MLIP: variants seen among roughly 807,000 people sequenced by gnomAD.
MLIP encodes muscular LMNA-interacting protein.
A neutral mutation model predicts 84.8 loss-of-function variants in MLIP; 79 were observed. The ratio of observed to expected loss-of-function variants is 0.93; its 90% CI spans 0.78 to 1.12. The LOEUF is 1.12. Ranked by LOEUF, MLIP falls within the 50% of genes most tolerant of loss-of-function variation. The pLI, the probability that MLIP is intolerant of heterozygous loss-of-function variation, is 0.00. For synonymous variants in MLIP, 504 were observed against 463.0 expected (o/e 1.09, Z -1.14); for missense variants, 1,257 against 1,160.6 (o/e 1.08, Z -1.21).
intron 1 of MLIP, among the ~76,000 whole-genome samples, chr6:54,081,181 G>A (rs531538188): frequency 4.6e-5 from 7 of 152,084 alleles, no homozygotes; most frequent in Non-Finnish European, 1.5e-5. Flanking sequence ...AGTCTCTCTG[G>A]GAACTTCCTC....
At chr6:54,178,300 T>C (rs1582405902) in intron 9 of MLIP, among the ~76,000 whole-genome samples, 1 of 39,614 alleles carries the variant, frequency 2.5e-5, no homozygotes, top group East Asian at 5.3e-4. Context: ...TCGTGTTTCT[T>C]CCCTTTTTTT....
intron 1 of MLIP, chr6:54,029,485 A>C (rs972255626): frequency 4.6e-5 from 7 of 152,352 alleles, no homozygotes; most frequent in African/African-American, 1.7e-4. Context: ...ATGAGCCTTT[A>C]CCAGACACAG....
At chr6:54,033,348 C>T (rs904280059) in intron 1 of MLIP, among the ~76,000 whole-genome samples, 6 of 151,356 alleles carry the variant, frequency 4.0e-5, no homozygotes, top group African/African-American at 1.5e-4. Flanking sequence ...CTCACTGCAA[C>T]CTCCGCCTCC....
chr6:54,118,119 C>T (rs750697900), intron 1 of MLIP, among the ~76,000 whole-genome samples: 9 of 152,274 alleles, frequency 5.9e-5, no homozygotes, highest in East Asian at 1.9e-4. Flanking sequence ...ACAGATTCAA[C>T]GCAACTCCTA....
chr6:54,230,045 C>T (rs1389772575), intron 11 of MLIP, among the ~76,000 whole-genome samples: 1 of 152,154 alleles, frequency 6.6e-6, no homozygotes, highest in Admixed American at 6.5e-5. Context: ...ATGTTGAAGA[C>T]CCACTTTAGT....
At chr6:54,221,113 T>C (rs185517500) in intron 11 of MLIP, among the ~76,000 whole-genome samples, 17 of 152,278 alleles carry the variant, frequency 1.1e-4, no homozygotes, top group Admixed American at 9.1e-4. Flanking sequence ...GTTCCTGATA[T>C]AATGCTCTAT....
chr6:54,173,745 A>G (rs1219922506), intron 9 of MLIP, among the ~76,000 whole-genome samples: 2 of 151,850 alleles, frequency 1.3e-5, no homozygotes, highest in Non-Finnish European at 2.9e-5. Context: ...ATACTCTTTT[A>G]GTTATTTTAA....
intron 9 of MLIP, among the ~76,000 whole-genome samples, chr6:54,178,027 A>G (rs1776477014): frequency 1.3e-5 from 2 of 152,082 alleles, no homozygotes; most frequent in African/African-American, 4.8e-5. Flanking sequence ...GGTGGAGGGG[A>G]ACAACACACA....
chr6:54,113,100 A>G (rs1002597946), intron 1 of MLIP, among the ~76,000 whole-genome samples: 2 of 152,164 alleles, frequency 1.3e-5, no homozygotes, highest in Non-Finnish European at 2.9e-5. Flanking sequence ...TTTTGTAACC[A>G]TGGGGTGCTT....
chr6:54,259,076 A>G (rs796154609), intron 13 of MLIP, among the ~76,000 whole-genome samples: 11 of 152,046 alleles, frequency 7.2e-5, no homozygotes, highest in African/African-American at 2.6e-4. Context: ...ATTAATTTGC[A>G]TGTTAAAATT....
At chr6:54,180,089 TTTG>T (rs758578010) in intron 9 of MLIP, among the ~76,000 whole-genome samples, 1 of 152,122 alleles carries the variant, frequency 6.6e-6, no homozygotes, top group Non-Finnish European at 1.5e-5. Context: ...GGTAAACTTT[TTTG>T]TTGTTGTTGT....
At chr6:54,095,324 T>C (rs1239609375) in intron 1 of MLIP, among the ~76,000 whole-genome samples, 1 of 152,140 alleles carries the variant, frequency 6.6e-6, no homozygotes, top group East Asian at 1.9e-4. Flanking sequence ...TTTTGCTCCC[T>C]CTACTCAGAA....
At chr6:54,073,198 C>T (rs1055027424) in intron 1 of MLIP, among the ~76,000 whole-genome samples, 2 of 152,168 alleles carry the variant, frequency 1.3e-5, no homozygotes, top group Admixed American at 6.5e-5. Context: ...CTTGGAGTTC[C>T]TTTTTGCAGT....
intron 12 of MLIP, among the ~76,000 whole-genome samples, chr6:54,239,467 T>A (rs1781586065): frequency 6.6e-6 from 1 of 150,714 alleles, no homozygotes; most frequent in South Asian, 2.1e-4. Context: ...TTTGAAGAAT[T>A]TTATTTTTTA....
At chr6:54,210,204 T>A (rs1307197683) in intron 11 of MLIP, among the ~76,000 whole-genome samples, 1 of 152,276 alleles carries the variant, frequency 6.6e-6, no homozygotes, top group African/African-American at 2.4e-5. Context: ...CAGGACACAG[T>A]TCCTACATAC....
intron 1 of MLIP, among the ~76,000 whole-genome samples, chr6:54,035,945 T>C (rs1322249501): frequency 4.6e-5 from 7 of 152,096 alleles, no homozygotes; most frequent in African/African-American, 1.7e-4. Context: ...TAACAGAATA[T>C]TTTGCAGAGC....
At chr6:54,230,419 AC>A (rs1486543086) in intron 11 of MLIP, among the ~76,000 whole-genome samples, 6 of 152,096 alleles carry the variant, frequency 3.9e-5, no homozygotes. Context: ...CTTCTTCCTT[AC>A]AGATATCTCC....
At chr6:54,204,327 T>C (rs1778896017) in intron 11 of MLIP, among the ~76,000 whole-genome samples, 1 of 152,204 alleles carries the variant, frequency 6.6e-6, no homozygotes, top group Admixed American at 6.5e-5. Flanking sequence ...TTTTTTATCA[T>C]TAACAAAAGC....
intron 9 of MLIP, among the ~76,000 whole-genome samples, chr6:54,188,454 A>AT (rs1777606606): frequency 6.6e-6 from 1 of 151,988 alleles, no homozygotes; most frequent in Admixed American, 6.6e-5. Flanking sequence ...TCAAATTTTT[A>AT]TTTTTTATTT....
Sources: gnomAD v4.1 joint callset for allele counts (sites outside exome capture counted in the v4.1 genomes callset) on GRCh38, gnomAD v4.1.1 for gene constraint, MANE v1.5 for transcripts, NCBI Gene and HGNC (gene_info 2026-07-23, HGNC 2026-07-21) for gene names.